Variants in ENOX1 observed in about 807,000 individuals in gnomAD.
ENOX1 encodes candidate growth-related and time keeping constitutive hydroquinone (NADH) oxidase.
ENOX1 carries 42 observed loss-of-function variants against 82.5 expected under a neutral mutation model. The observed-to-expected ratio is 0.51, with a 90% CI of 0.40 to 0.66. The LOEUF (loss-of-function observed/expected upper bound fraction) is 0.66, where lower values mean the gene tolerates loss of function less well. ENOX1 is among the 30% of genes least tolerant of loss of function. The probability of loss-of-function intolerance (pLI) is 0.00; values close to 1 mark genes in which losing one functional copy is unlikely to be tolerated. For missense variants in ENOX1, 608 were observed against 811.6 expected (o/e 0.75, Z 3.05); for synonymous variants, 271 against 282.2 (o/e 0.96, Z 0.40).
At chr13:43,684,267 A>G (rs1404090294) in intron 1 of ENOX1, among the ~76,000 whole-genome samples, 3 of 152,156 alleles carry the variant, frequency 2.0e-5, no homozygotes, top group Non-Finnish European at 2.9e-5. Context: ...AACTGGTAAG[A>G]GCAATATGTC....
At chr13:43,601,203 A>T (rs565540099) in intron 2 of ENOX1, among the ~76,000 whole-genome samples, 23 of 152,276 alleles carry the variant, frequency 1.5e-4, no homozygotes, top group African/African-American at 5.5e-4. Context: ...CACCAGGGTT[A>T]TATCCAGGGG....
At chr13:43,772,384 C>T (rs1253410307) in intron 1 of ENOX1, among the ~76,000 whole-genome samples, 2 of 152,134 alleles carry the variant, frequency 1.3e-5, no homozygotes, top group Non-Finnish European at 2.9e-5. Context: ...AAATTACAAG[C>T]ATGCACTAGG....
At chr13:43,312,038 T>C (rs1400529543) in intron 11 of ENOX1, among the ~76,000 whole-genome samples, 3 of 152,242 alleles carry the variant, frequency 2.0e-5, no homozygotes, top group Non-Finnish European at 4.4e-5. Flanking sequence ...ATATATGTTG[T>C]AGATTAAGTT....
At chr13:43,221,141 C>T (rs189642550) in intron 16 of ENOX1, among the ~76,000 whole-genome samples, 1 of 152,324 alleles carries the variant, frequency 6.6e-6, no homozygotes, top group Non-Finnish European at 1.5e-5. Context: ...CCACATTACG[C>T]TGAGTCTGGT....
intron 2 of ENOX1, among the ~76,000 whole-genome samples, chr13:43,485,587 A>G (rs2076385157): frequency 6.6e-6 from 1 of 152,244 alleles, no homozygotes; most frequent in Admixed American, 6.5e-5. Context: ...TTATTACACA[A>G]AGAAAAAGGA....
chr13:43,713,609 A>C (rs1472038477), intron 1 of ENOX1, among the ~76,000 whole-genome samples: 4 of 152,142 alleles, frequency 2.6e-5, no homozygotes, highest in Non-Finnish European at 5.9e-5. Context: ...TTGGTCTATT[A>C]AGAGAGTCAA....
intron 3 of ENOX1, among the ~76,000 whole-genome samples, chr13:43,428,296 C>A (rs548607827): frequency 5.9e-4 from 90 of 152,070 alleles, no homozygotes; most frequent in Non-Finnish European, 9.1e-4. Context: ...AAGTTTCTAC[C>A]TAGGGTTGAT....
intron 13 of ENOX1, among the ~76,000 whole-genome samples, chr13:43,268,842 C>T (rs1316365065): frequency 1.3e-5 from 2 of 152,202 alleles, no homozygotes; most frequent in Non-Finnish European, 2.9e-5. Context: ...TGGCTCCTCT[C>T]ATGTAGATAG....
chr13:43,364,195 C>T (rs1333385179), intron 5 of ENOX1, among the ~76,000 whole-genome samples: 1 of 152,080 alleles, frequency 6.6e-6, no homozygotes, highest in Non-Finnish European at 1.5e-5. Context: ...AACTGAAAAT[C>T]GAGGAAGACA....
intron 1 of ENOX1, among the ~76,000 whole-genome samples, chr13:43,769,421 A>ATT (rs200429126): frequency 1.3e-4 from 19 of 149,544 alleles, no homozygotes; most frequent in African/African-American, 2.7e-4. Context: ...TTCTAAGTTA[A>ATT]TTTTTTTTTT....
At chr13:43,586,934 C>T (rs1053130971) in intron 2 of ENOX1, among the ~76,000 whole-genome samples, 9 of 151,064 alleles carry the variant, frequency 6.0e-5, no homozygotes, top group South Asian at 4.2e-4. Context: ...TTTAGCTGGG[C>T]GTGGTGGCAC....
chr13:43,275,498 C>T (rs1386945661), intron 12 of ENOX1, among the ~76,000 whole-genome samples: 1 of 151,680 alleles, frequency 6.6e-6, no homozygotes, highest in East Asian at 1.9e-4. Flanking sequence ...GAGTAAGTAC[C>T]CTTTCTAAAT....
intron 2 of ENOX1, among the ~76,000 whole-genome samples, chr13:43,639,855 G>A (rs776947305): frequency 6.6e-6 from 1 of 151,982 alleles, no homozygotes; most frequent in African/African-American, 2.4e-5. Flanking sequence ...ATGGCAAAAC[G>A]CTGTCTCTAC....
chr13:43,643,648 T>C (rs61960076), intron 2 of ENOX1, among the ~76,000 whole-genome samples: 37,397 of 149,832 alleles, frequency 0.25, 5,113 homozygotes, highest in Non-Finnish European at 0.32. Flanking sequence ...TATATATATA[T>C]ACACACACAT....
intron 1 of ENOX1, among the ~76,000 whole-genome samples, chr13:43,692,910 AC>A (rs2086440053): frequency 6.6e-6 from 1 of 152,158 alleles, no homozygotes; most frequent in Non-Finnish European, 1.5e-5. Flanking sequence ...CTAAATAACA[AC>A]CTAAACATCT....
intron 1 of ENOX1, among the ~76,000 whole-genome samples, chr13:43,740,743 T>C (rs374953051): frequency 4.8e-4 from 73 of 152,192 alleles, no homozygotes; most frequent in African/African-American, 1.7e-3. Flanking sequence ...AGTCATACAA[T>C]ATGTGGTCTT....
intron 3 of ENOX1, among the ~76,000 whole-genome samples, chr13:43,451,344 T>C (rs2056955294): frequency 6.6e-6 from 1 of 152,190 alleles, no homozygotes; most frequent in South Asian, 2.1e-4. Context: ...GTAGTAGATA[T>C]AAATGTATCT....
In ENOX1 at chr13:43,480,203, T is replaced by C. The variant is rs188124843; in HGVS notation, c.-75+3806A>G. 7.6e-3 allele frequency among the ~76,000 whole-genome samples: 1,154 copies of C among 152,244 alleles called. 12 individuals carry two copies. The highest frequency in any genetic ancestry group is 0.025 in the African/African-American group (1,051 of 41,552). On this transcript the variant is annotated intron_variant, in intron 3 of 16. Transcript: ENST00000690772. The stretch of plus-strand genomic sequence containing the variant: ...ATCCACCCGCCTCGGCCTCCCAAAG[T>C]GCTTCAATTCTAGGCATGAGCCACT...
At chr13:43,444,165 C>T (rs751221666) in intron 3 of ENOX1, among the ~76,000 whole-genome samples, 1 of 152,148 alleles carries the variant, frequency 6.6e-6, no homozygotes, top group Admixed American at 6.5e-5. Context: ...TGCAATAGCA[C>T]CCCTTTTCAG....
Sources: gnomAD v4.1 joint callset for allele counts (sites outside exome capture counted in the v4.1 genomes callset) on GRCh38, gnomAD v4.1.1 for gene constraint, MANE v1.5 for transcripts, NCBI Gene and HGNC (gene_info 2026-07-23, HGNC 2026-07-21) for gene names.